The following PARM1 variants were observed in gnomAD, a reference collection of about 807,000 sequenced individuals.
PARM1 encodes WSC4, cell wall integrity and stress response component 4 homolog.
Under a neutral mutation model 24.6 loss-of-function variants are expected in PARM1, and 14 were observed. The ratio of observed to expected loss-of-function variants is 0.57; its 90% CI spans 0.38 to 0.89. PARM1 has a LOEUF of 0.89. PARM1 is among the 40% of genes least tolerant of loss of function. PARM1 has a pLI of 0.00. For synonymous variants in PARM1, 179 were observed against 156.6 expected, an observed-to-expected ratio of 1.14 and a Z score of -1.07; for missense variants, 362 against 380.4, an observed-to-expected ratio of 0.95 and a Z score of 0.40.
At chr4:74,944,556 C>T (rs912626519) in intron 1 of PARM1, among the ~76,000 whole-genome samples, 1 of 152,130 alleles carries the variant, frequency 6.6e-6, no homozygotes, top group South Asian at 2.1e-4. Context: ...CCTCTTCTCC[C>T]ATGGGAGTCA....
At chr4:75,013,287 C>A in intron 2 of PARM1, 137 bp downstream of exon 2, 1 of 937,354 alleles carries the variant, frequency 1.1e-6, no homozygotes, top group East Asian at 2.5e-5. Flanking sequence ...CAAGAATTTC[C>A]ACGAGTGCAA....
intron 1 of PARM1, 136 bp from the exon 2 acceptor site, chr4:75,012,289 A>G: frequency 1.1e-6 from 1 of 941,792 alleles, no homozygotes. Context: ...TGCCTTCACA[A>G]CTGGGGAGGG....
intron 1 of PARM1, among the ~76,000 whole-genome samples, chr4:74,937,176 A>T (rs1040095286): frequency 5.9e-5 from 9 of 152,222 alleles, no homozygotes; most frequent in African/African-American, 1.9e-4. Flanking sequence ...TGTACTTGAT[A>T]TATGTCAGCT....
rs1723678699 is a variant in PARM1 at position 75,049,666 on chromosome 4, G to A, written c.*3419G>A. ...TACCTGAGCACTAACAGCAGTAGAC[G>A]TAGACCTCTGTCCTTTACCATCTGA... On this transcript the variant is annotated 3_prime_UTR_variant, in exon 4 of 4. Coordinates refer to ENST00000307428, the MANE Select transcript of PARM1 (RefSeq NM_015393.4). 1 of 152,640 alleles carries A rather than the reference G, an allele frequency of 6.6e-6. No individual in the cohort carries two copies. The highest frequency in any genetic ancestry group is 2.1e-4 in the South Asian group (1 of 4,830). 9.5% of individuals were successfully genotyped at this position (152,640 alleles called of 1,614,324 possible). A position where few individuals can be genotyped will look rare whatever the true frequency, so the allele number is the denominator to read the frequency against.
chr4:75,042,264 C>T (rs911338115), intron 3 of PARM1, among the ~76,000 whole-genome samples: 1 of 152,188 alleles, frequency 6.6e-6, no homozygotes, highest in Non-Finnish European at 1.5e-5. Context: ...AGGACATAGT[C>T]TGCCCTCAAG....
intron 2 of PARM1, among the ~76,000 whole-genome samples, chr4:75,023,590 G>T (rs1366354809): frequency 6.6e-6 from 1 of 152,188 alleles, no homozygotes; most frequent in East Asian, 1.9e-4. Context: ...GGTAATAAAA[G>T]TTCACTTAAG....
intron 1 of PARM1, among the ~76,000 whole-genome samples, chr4:74,988,943 G>A (rs1024582544): frequency 1.3e-5 from 2 of 152,190 alleles, no homozygotes; most frequent in African/African-American, 4.8e-5. Flanking sequence ...GGCATTTTGT[G>A]CTGAAGGGCT....
chr4:75,011,215 T>G (rs1338638502), intron 1 of PARM1, among the ~76,000 whole-genome samples: 2 of 152,094 alleles, frequency 1.3e-5, no homozygotes, highest in Non-Finnish European at 1.5e-5. Context: ...GGAGGGCACA[T>G]CCAAACTAAT....
At chr4:74,971,071 C>T (rs932137591) in intron 1 of PARM1, among the ~76,000 whole-genome samples, 3 of 152,166 alleles carry the variant, frequency 2.0e-5, no homozygotes, top group African/African-American at 7.2e-5. Context: ...CATCAAGATA[C>T]CCCTTCTAAG....
chr4:74,971,984 T>C (rs1722046561), intron 1 of PARM1, among the ~76,000 whole-genome samples: 1 of 152,228 alleles, frequency 6.6e-6, no homozygotes, highest in Non-Finnish European at 1.5e-5. Context: ...CTGTGACACA[T>C]ATTTTATTAT....
intron 1 of PARM1, among the ~76,000 whole-genome samples, chr4:75,002,801 G>A (rs904739287): frequency 6.6e-5 from 10 of 152,316 alleles, no homozygotes; most frequent in African/African-American, 9.6e-5. Context: ...GGACCCAGCC[G>A]CAGCTTTGGC....
intron 1 of PARM1, among the ~76,000 whole-genome samples, chr4:74,963,046 C>G (rs1721812051): frequency 6.6e-6 from 1 of 152,212 alleles, no homozygotes; most frequent in East Asian, 1.9e-4. Flanking sequence ...CTGGCATTTT[C>G]TCTGCTAGCA....
chr4:75,042,918 A>G (rs761483484), intron 3 of PARM1, among the ~76,000 whole-genome samples: 5 of 151,302 alleles, frequency 3.3e-5, no homozygotes, highest in Non-Finnish European at 7.4e-5. Context: ...TCAGCATTTT[A>G]CTCAACTCAC....
At chr4:75,031,049 A>G (rs1480553088) in intron 2 of PARM1, among the ~76,000 whole-genome samples, 2 of 152,182 alleles carry the variant, frequency 1.3e-5, no homozygotes, top group Non-Finnish European at 2.9e-5. Context: ...TCAAACTGTG[A>G]TGCCCTCAGG....
chr4:75,021,762 C>G (rs1166470902), intron 2 of PARM1, among the ~76,000 whole-genome samples: 1 of 152,138 alleles, frequency 6.6e-6, no homozygotes, highest in East Asian at 1.9e-4. Flanking sequence ...CCTCCAGCTC[C>G]ATCCATGTTG....
intron 1 of PARM1, among the ~76,000 whole-genome samples, chr4:74,983,176 A>G (rs1329150004): frequency 2.0e-5 from 3 of 152,136 alleles, no homozygotes; most frequent in South Asian, 4.1e-4. Flanking sequence ...CCCACCCCTC[A>G]TGTACTATGA....
intron 3 of PARM1, among the ~76,000 whole-genome samples, chr4:75,039,645 G>C (rs1294688393): frequency 1.3e-5 from 2 of 152,212 alleles, no homozygotes; most frequent in African/African-American, 4.8e-5. Context: ...GGTGATGCCA[G>C]TGCTGCTGGT....
intron 1 of PARM1, among the ~76,000 whole-genome samples, chr4:74,947,882 G>T (rs1288300225): frequency 6.6e-6 from 1 of 152,196 alleles, no homozygotes; most frequent in East Asian, 1.9e-4. Context: ...GCAGTGTTTA[G>T]CAAGTGGCTT....
At chr4:74,973,066 T>C (rs781115459) in intron 1 of PARM1, among the ~76,000 whole-genome samples, 4 of 152,134 alleles carry the variant, frequency 2.6e-5, no homozygotes, top group Non-Finnish European at 5.9e-5. Flanking sequence ...TTAAAAAAAA[T>C]AACAAGAATG....
Sources: allele counts gnomAD v4.1 joint callset (sites outside exome capture counted in the v4.1 genomes callset), GRCh38; gene constraint gnomAD v4.1.1; transcripts MANE v1.5; gene names NCBI Gene and HGNC (gene_info 2026-07-23, HGNC 2026-07-21).